Variants in ADAMTS3 observed in about 807,000 individuals in gnomAD.
ADAMTS3 encodes the protein A disintegrin and metalloproteinase with thrombospondin motifs 3.
ADAMTS3 carries 73 observed loss-of-function variants against 129.0 expected under a neutral mutation model. That is an observed-to-expected ratio of 0.57 (90% CI 0.47 to 0.69). The LOEUF is 0.69. Among genes scored for constraint, ADAMTS3 ranks in the 30% least tolerant of loss-of-function variants. The probability of loss-of-function intolerance (pLI) is 0.00; values close to 1 mark genes in which losing one functional copy is unlikely to be tolerated. For missense variants in ADAMTS3, 1,457 were observed against 1,514.5 expected (o/e 0.96, Z 0.63); for synonymous variants, 477 against 510.8 (o/e 0.93, Z 0.89).
intron 17 of ADAMTS3, among the ~76,000 whole-genome samples, chr4:72,299,131 A>G (rs1196550074): frequency 7.1e-6 from 1 of 141,704 alleles, no homozygotes; most frequent in Non-Finnish European, 1.5e-5. Context: ...GGCTTTGTTT[A>G]TTTCATGTAA....
At chr4:72,302,227 G>T (rs751050677) in intron 17 of ADAMTS3, among the ~76,000 whole-genome samples, 3 of 151,702 alleles carry the variant, frequency 2.0e-5, no homozygotes, top group Non-Finnish European at 4.4e-5. Flanking sequence ...AATTGACAAT[G>T]TGAAGACCCA....
At chr4:72,460,442 C>T (rs923200406) in intron 3 of ADAMTS3, among the ~76,000 whole-genome samples, 1 of 150,958 alleles carries the variant, frequency 6.6e-6, no homozygotes, top group South Asian at 2.1e-4. Context: ...TTGTAGACAC[C>T]CCACCTGAAA....
chr4:72,492,450 C>T (rs1446561367), intron 3 of ADAMTS3, among the ~76,000 whole-genome samples: 1 of 151,160 alleles, frequency 6.6e-6, no homozygotes, highest in Non-Finnish European at 1.5e-5. Flanking sequence ...TCCTTTGTTT[C>T]GAGATACACT....
chr4:72,498,209 C>T (rs1346162296), intron 3 of ADAMTS3, among the ~76,000 whole-genome samples: 1 of 152,018 alleles, frequency 6.6e-6, no homozygotes, highest in Admixed American at 6.6e-5. Context: ...AAAGTAAGCA[C>T]TCTACGATTT....
chr4:72,365,113 G>A (rs999325400), intron 4 of ADAMTS3, among the ~76,000 whole-genome samples: 1 of 152,144 alleles, frequency 6.6e-6, no homozygotes, highest in African/African-American at 2.4e-5. Context: ...ATACTTGCAT[G>A]AGTAACGAAA....
rs570213606 is a variant in ADAMTS3 at position 72,312,998 on chromosome 4, T to C, written c.1746-532A>G. 2.6e-5 allele frequency among the ~76,000 whole-genome samples: 4 copies of C among 152,228 alleles called. No individual in the cohort carries two copies. The East Asian group carries it at 5.8e-4, about 22-fold the overall frequency. ...TTTGTTACTTCTAATACCACCATCA[T>C]CTCTTACTGGGAAGGCAGGTATGTG... On this transcript the variant is annotated intron_variant, in intron 12 of 21. Coordinates refer to ENST00000286657, the MANE Select transcript of ADAMTS3 (RefSeq NM_014243.3).
intron 3 of ADAMTS3, among the ~76,000 whole-genome samples, chr4:72,500,960 C>G (rs1018467395): frequency 1.3e-5 from 2 of 152,012 alleles, no homozygotes; most frequent in African/African-American, 4.8e-5. Flanking sequence ...CTATTTTGTT[C>G]CATTGGTCTA....
intron 3 of ADAMTS3, among the ~76,000 whole-genome samples, chr4:72,501,616 G>T (rs1720027116): frequency 6.6e-6 from 1 of 151,916 alleles, no homozygotes; most frequent in African/African-American, 2.4e-5. Context: ...TCTTTCTCTT[G>T]CCTGATTTAT....
chr4:72,419,781 A>C (rs1438583901), intron 3 of ADAMTS3, among the ~76,000 whole-genome samples: 1 of 152,132 alleles, frequency 6.6e-6, no homozygotes, highest in Non-Finnish European at 1.5e-5. Flanking sequence ...CTATTCATTC[A>C]GGGAAGAGTT....
chr4:72,528,814 CCAAT>C (rs1197608529), intron 3 of ADAMTS3, among the ~76,000 whole-genome samples: 4 of 152,066 alleles, frequency 2.6e-5, no homozygotes, highest in Non-Finnish European at 5.9e-5. Flanking sequence ...AAAATCCATA[CCAAT>C]CAGTCTGTCA....
At chr4:72,426,914 A>G (rs927700663) in intron 3 of ADAMTS3, among the ~76,000 whole-genome samples, 2 of 152,044 alleles carry the variant, frequency 1.3e-5, no homozygotes, top group African/African-American at 4.8e-5. Context: ...AAAAAATAAA[A>G]AACTGAATCA....
chr4:72,326,103 C>T (rs140079146), intron 5 of ADAMTS3, among the ~76,000 whole-genome samples: 1 of 152,002 alleles, frequency 6.6e-6, no homozygotes, highest in East Asian at 1.9e-4. Flanking sequence ...ACAGGGTGAC[C>T]CAGTAGAAAC....
chr4:72,310,330 C>T (rs1198827643), intron 14 of ADAMTS3, among the ~76,000 whole-genome samples: 1 of 152,050 alleles, frequency 6.6e-6, no homozygotes, highest in Non-Finnish European at 1.5e-5. Flanking sequence ...AAAGACAACA[C>T]ATACGTTTAA....
chr4:72,324,548 C>T (rs1719650788), intron 5 of ADAMTS3, among the ~76,000 whole-genome samples: 1 of 152,092 alleles, frequency 6.6e-6, no homozygotes, highest in South Asian at 2.1e-4. Flanking sequence ...CATGTATACA[C>T]ACATACATTT....
At chr4:72,398,287 T>C (rs1234704066) in intron 4 of ADAMTS3, among the ~76,000 whole-genome samples, 4 of 152,162 alleles carry the variant, frequency 2.6e-5, no homozygotes, top group Non-Finnish European at 5.9e-5. Context: ...CCAGGCGTGG[T>C]GGCTCACTTC....
At chr4:72,552,484 T>C (rs770423420) in intron 2 of ADAMTS3, among the ~76,000 whole-genome samples, 5 of 152,204 alleles carry the variant, frequency 3.3e-5, no homozygotes, top group Non-Finnish European at 7.3e-5. Context: ...GTGAAGGCTT[T>C]TGTGGGCCGT....
intron 2 of ADAMTS3, among the ~76,000 whole-genome samples, chr4:72,562,772 A>C (rs2109807498): frequency 6.6e-6 from 1 of 152,324 alleles, no homozygotes; most frequent in Middle Eastern, 3.4e-3. Context: ...AAAAGAAAAA[A>C]TTCAACAACT....
chr4:72,520,414 T>C (rs558475151), intron 3 of ADAMTS3, among the ~76,000 whole-genome samples: 190 of 152,320 alleles, frequency 1.2e-3, no homozygotes, highest in African/African-American at 4.3e-3. Context: ...TACTGCTGTC[T>C]TTTTGTTTGT....
chr4:72,343,988 ATTGTATCCT>A (rs1720208317), intron 4 of ADAMTS3, among the ~76,000 whole-genome samples: 1 of 152,134 alleles, frequency 6.6e-6, no homozygotes, highest in Non-Finnish European at 1.5e-5. Flanking sequence ...AAACATTTTA[ATTGTATCCT>A]TTTGTGCACC....
Sources: allele counts gnomAD v4.1 joint callset (sites outside exome capture counted in the v4.1 genomes callset), GRCh38; gene constraint gnomAD v4.1.1; transcripts MANE v1.5; gene names NCBI Gene and HGNC (gene_info 2026-07-23, HGNC 2026-07-21).